Variants in ATP8A2 observed in about 807,000 individuals in gnomAD.
The protein encoded by ATP8A2 is phospholipid-transporting ATPase IB.
A neutral mutation model predicts 165.6 loss-of-function variants in ATP8A2; 100 were observed. The ratio of observed to expected loss-of-function variants is 0.60; its 90% CI spans 0.51 to 0.71. The LOEUF (loss-of-function observed/expected upper bound fraction) is 0.71, where lower values mean the gene tolerates loss of function less well. Ranked by LOEUF, ATP8A2 falls within the 30% of genes least tolerant of loss-of-function variation. ATP8A2 has a pLI of 0.00. For synonymous variants in ATP8A2, 543 were observed against 548.8 expected (o/e 0.99, Z 0.15); for missense variants, 1,227 against 1,479.5 (o/e 0.83, Z 2.80).
Position 25,422,362 on chromosome 13 carries a change from G to A in ATP8A2, c.77-46615G>A, listed in dbSNP as rs534515357. On this transcript the variant is annotated intron_variant, in intron 1 of 36. Transcript: ENST00000381655. ...AGGCTTCATGTCAGGCCAAATGTGAGGTTTGAGAGCACACACTTGGAAGGC... is the reference window on the plus strand; with the variant it reads ...AGGCTTCATGTCAGGCCAAATGTGAAGTTTGAGAGCACACACTTGGAAGGC... Among the ~76,000 whole-genome samples, 39 of 152,258 alleles carry A rather than the reference G, an allele frequency of 2.6e-4. 4 individuals are homozygous for A. The South Asian group carries it at 6.0e-3, about 23-fold the overall frequency.
At chr13:25,862,160 A>G in intron 32 of ATP8A2, 141 bp from the exon 33 acceptor site, 1 of 604,962 alleles carries the variant, frequency 1.7e-6, no homozygotes, top group Non-Finnish European at 3.0e-6. Context: ...GAAAGATTGA[A>G]CTTCCCATTA....
chr13:25,479,421 T>G (rs1053145887), intron 2 of ATP8A2, among the ~76,000 whole-genome samples: 1 of 152,202 alleles, frequency 6.6e-6, no homozygotes, highest in Non-Finnish European at 1.5e-5. Flanking sequence ...TTCTGCTGCT[T>G]TTTATTTTCT....
intron 1 of ATP8A2, among the ~76,000 whole-genome samples, chr13:25,391,603 C>CA (rs369102282): frequency 1.0e-3 from 157 of 152,326 alleles, no homozygotes; most frequent in African/African-American, 3.8e-3. Context: ...TCCTTGGGGG[C>CA]AGGAAGCTCA....
chr13:25,571,812 C>G, intron 18 of ATP8A2, 120 bp downstream of exon 18: 1 of 864,984 alleles, frequency 1.2e-6, no homozygotes, highest in Non-Finnish European at 2.0e-6. Context: ...AAATTAAGAC[C>G]TGTGACAAAC....
rs373740509 is a variant in ATP8A2, at chr13:25,830,464, T to C, written c.2754+2272T>C. Reference sequence around the variant, plus strand: ...TGAGTCCACAGTGCAGGCATTGAAGTGGGCTGCCAGTGAGTGCTGGCAGTT... The same window carrying C: ...TGAGTCCACAGTGCAGGCATTGAAGCGGGCTGCCAGTGAGTGCTGGCAGTT... On this transcript the variant is annotated intron_variant, in intron 28 of 36. Transcript: ENST00000381655. Among the ~76,000 whole-genome samples the C allele has an allele frequency of 4.6e-5, 7 of 152,108 alleles. No individual in the cohort carries two copies. The East Asian group carries it at 1.4e-3, about 30-fold the overall frequency.
intron 24 of ATP8A2, among the ~76,000 whole-genome samples, chr13:25,678,583 G>A (rs2042419590): frequency 1.3e-5 from 2 of 152,154 alleles, no homozygotes; most frequent in Non-Finnish European, 2.9e-5. Context: ...CAAGCAGAGG[G>A]AGCCAGCTCT....
chr13:25,785,848 A>G (rs149715335), intron 27 of ATP8A2, among the ~76,000 whole-genome samples: 1 of 152,214 alleles, frequency 6.6e-6, no homozygotes, highest in Non-Finnish European at 1.5e-5. Flanking sequence ...GGAAGAAGAT[A>G]AAGGAAGGAG....
intron 24 of ATP8A2, among the ~76,000 whole-genome samples, chr13:25,697,811 A>G (rs1338370268): frequency 6.6e-6 from 1 of 152,212 alleles, no homozygotes; most frequent in Non-Finnish European, 1.5e-5. Flanking sequence ...GAGAGCTTGG[A>G]CTAGAACCCA....
intron 1 of ATP8A2, among the ~76,000 whole-genome samples, chr13:25,401,101 A>G (rs551267503): frequency 4.4e-4 from 67 of 152,298 alleles, no homozygotes; most frequent in Non-Finnish European, 7.5e-4. Flanking sequence ...AATGAACCAG[A>G]TGTGCAGTGA....
At chr13:25,700,447 CCAAA>C (rs1354483077) in intron 25 of ATP8A2, among the ~76,000 whole-genome samples, 1 of 152,166 alleles carries the variant, frequency 6.6e-6, no homozygotes, top group Non-Finnish European at 1.5e-5. Context: ...CACCCCCATC[CCAAA>C]CAACCAATCA....
Position 25,469,115 on chromosome 13 carries a change from A to G in ATP8A2, c.215A>G (p.Gln72Arg), listed in dbSNP as rs777981759. The change falls in exon 2 of 37, where the codon CAG (glutamine) becomes CGG (arginine). Residue 72 changes from glutamine to arginine, a missense_variant. By Grantham distance (43) the Gln-to-Arg change is conservative. This residue lies in a region of ATP8A2 where 356 missense variants were observed against 394.9 expected (regional missense o/e 0.90). Transcript: ENST00000381655. ...CATCTCAACAAATTCCGCGACAACCAGATCAGGTAGGAGAAGGCGGCCGGC... is the reference window on the plus strand; with the variant it reads ...CATCTCAACAAATTCCGCGACAACCGGATCAGGTAGGAGAAGGCGGCCGGC... ...QPHLNKFRDN[Q>R]ISTAKYSVLT... 1 of 1,613,788 alleles carries G rather than the reference A, an allele frequency of 6.2e-7. No individual in the cohort carries two copies. Among genetic ancestry groups the G allele is most frequent in the African/African-American group, 1.3e-5 (1 of 74,928 alleles).
At chr13:25,993,354 C>G (rs972361620) in intron 35 of ATP8A2, among the ~76,000 whole-genome samples, 2 of 152,148 alleles carry the variant, frequency 1.3e-5, no homozygotes, top group Non-Finnish European at 2.9e-5. Context: ...CAGGGTTGCC[C>G]TCTCTCACCA....
chr13:25,533,952 A>G (rs889002017), intron 6 of ATP8A2, among the ~76,000 whole-genome samples: 2 of 152,168 alleles, frequency 1.3e-5, no homozygotes. Flanking sequence ...TGGACACAAG[A>G]TGTGTTGGGG....
rs776105672 is a variant in ATP8A2, at chr13:25,589,715, A to C, written c.2211+16A>C. ...CTCTTTGGATGTAAGTAGTTTTTCA[A>C]AGTTGTATTTGCTTTGCTATAACAG... On this transcript the variant is annotated intron_variant, in intron 24 of 36. Transcript: ENST00000381655. 6.5e-7 allele frequency: 1 copy of C among 1,545,158 alleles called. No homozygotes were observed. The highest frequency in any genetic ancestry group is 8.9e-7 in the Non-Finnish European group (1 of 1,118,826).
chr13:25,874,267 C>T (rs981157022), intron 33 of ATP8A2, among the ~76,000 whole-genome samples: 1 of 152,182 alleles, frequency 6.6e-6, no homozygotes, highest in Non-Finnish European at 1.5e-5. Context: ...GAGGAGCGAG[C>T]TCCTACAGGG....
rs116294362 is a variant in ATP8A2, at chr13:25,429,243, A to G, written c.77-39734A>G. Among the ~76,000 whole-genome samples, 1,119 of 151,904 alleles carry G rather than the reference A, an allele frequency of 7.4e-3. 12 individuals carry two copies. The highest frequency in any genetic ancestry group is 0.025 in the African/African-American group (1,039 of 41,398). ...AAGTTAGTCCGGTGTGGTGGTGGGT[A>G]TCTGTAATCTTAGCAACTCGGGAGG... On this transcript the variant is annotated intron_variant, in intron 1 of 36. Transcript: ENST00000381655.
chr13:25,702,624 G>A (rs1388464954), intron 25 of ATP8A2, among the ~76,000 whole-genome samples: 2 of 152,150 alleles, frequency 1.3e-5, no homozygotes, highest in East Asian at 3.9e-4. Flanking sequence ...GTGGCCTTTG[G>A]TGTAGAAGTG....
At chr13:25,983,361 CTTTG>C (rs1956209698) in intron 35 of ATP8A2, among the ~76,000 whole-genome samples, 1 of 152,162 alleles carries the variant, frequency 6.6e-6, no homozygotes, top group Non-Finnish European at 1.5e-5. Flanking sequence ...TCTCCCAAAA[CTTTG>C]TTCACCCAAC....
intron 2 of ATP8A2, among the ~76,000 whole-genome samples, chr13:25,499,852 A>G (rs567268337): frequency 2.7e-4 from 41 of 152,302 alleles, no homozygotes; most frequent in African/African-American, 9.6e-4. Flanking sequence ...GGGATAGGGT[A>G]GGGGAAGACC....
Sources: allele counts gnomAD v4.1 joint callset (sites outside exome capture counted in the v4.1 genomes callset), GRCh38; gene constraint gnomAD v4.1.1; regional missense constraint gnomAD v4.1.1; transcripts MANE v1.5; gene names NCBI Gene and HGNC (gene_info 2026-07-23, HGNC 2026-07-21).